The following SLC14A2 variants were observed in gnomAD, a reference collection of about 807,000 sequenced individuals.
The protein encoded by SLC14A2 is urea transporter 2.
SLC14A2 carries 91 observed loss-of-function variants against 104.6 expected under a neutral mutation model. The observed-to-expected ratio is 0.87, with a 90% CI of 0.73 to 1.04. SLC14A2 has a LOEUF of 1.04. SLC14A2 is among the 50% of genes least tolerant of loss of function. The probability of loss-of-function intolerance (pLI) is 0.00; values close to 1 mark genes in which losing one functional copy is unlikely to be tolerated. For synonymous variants in SLC14A2, 476 were observed against 466.4 expected (o/e 1.02, Z -0.27); for missense variants, 1,189 against 1,156.0 (o/e 1.03, Z -0.41).
intron 1 of SLC14A2, among the ~76,000 whole-genome samples, chr18:45,338,287 G>A (rs571251570): frequency 4.6e-5 from 7 of 151,864 alleles, no homozygotes; most frequent in South Asian, 2.1e-4. Flanking sequence ...TGCAAGCTCC[G>A]CCTCCTGGGT....
chr18:45,327,975 T>C (rs1418459822), intron 1 of SLC14A2, among the ~76,000 whole-genome samples: 1 of 152,164 alleles, frequency 6.6e-6, no homozygotes, highest in African/African-American at 2.4e-5. Flanking sequence ...AGATATCATG[T>C]TTGTATGGGG....
chr18:45,201,168 T>C, the SLC14A2 span, among the ~76,000 whole-genome samples: 3 of 152,140 alleles, frequency 2.0e-5, no homozygotes, highest in African/African-American at 7.2e-5. Flanking sequence ...TCTCATCATT[T>C]CCTATCAAGG....
intron 2 of SLC14A2, among the ~76,000 whole-genome samples, chr18:45,525,313 C>T (rs2043579428): frequency 6.6e-6 from 1 of 152,164 alleles, no homozygotes; most frequent in African/African-American, 2.4e-5. Flanking sequence ...ACTTCATGGG[C>T]CCATCCTTGG....
At chr18:45,532,062 C>T (rs531688869) in intron 2 of SLC14A2, among the ~76,000 whole-genome samples, 4 of 152,222 alleles carry the variant, frequency 2.6e-5, no homozygotes, top group African/African-American at 9.6e-5. Flanking sequence ...TGGTCTATAT[C>T]TCTGTTTTGG....
chr18:45,464,512 G>A (rs774034012), intron 1 of SLC14A2, among the ~76,000 whole-genome samples: 16 of 152,174 alleles, frequency 1.1e-4, no homozygotes, highest in Non-Finnish European at 1.9e-4. Context: ...AGATTCAAAA[G>A]CCACTTTTGA....
the SLC14A2 span, among the ~76,000 whole-genome samples, chr18:45,182,309 C>G: frequency 2.0e-5 from 3 of 151,694 alleles, no homozygotes; most frequent in Non-Finnish European, 4.4e-5. Flanking sequence ...AGACACAGTA[C>G]TTTTAAAGTA....
intron 1 of SLC14A2, among the ~76,000 whole-genome samples, chr18:45,460,708 A>G (rs2087029813): frequency 6.6e-6 from 1 of 152,166 alleles, no homozygotes; most frequent in Non-Finnish European, 1.5e-5. Context: ...TCTCCTTGGC[A>G]ACTTTTCATG....
At chr18:45,491,254 G>A in intron 2 of SLC14A2, among the ~76,000 whole-genome samples, 1 of 152,316 alleles carries the variant, frequency 6.6e-6, no homozygotes, top group Admixed American at 6.5e-5. Flanking sequence ...GCACAGCAGT[G>A]AGTTCCCGTG....
chr18:45,641,972 TCCC>T lies in SLC14A2; in HGVS notation c.1126+633_1126+635del, dbSNP rs2045535846. ...TATATAAATATACAAACTCACTTAA[TCCC>T]CCCAAGAATACCACCAGGCATAGCC... On this transcript the variant is annotated intron_variant, in intron 8 of 19. Coordinates refer to ENST00000255226, the MANE Select transcript of SLC14A2 (RefSeq NM_007163.4). 2.0e-5 allele frequency among the ~76,000 whole-genome samples: 3 copies of T among 152,102 alleles called. 1 individual carries two copies. In the South Asian group the frequency reaches 6.2e-4, roughly 32 times the overall value.
intron 1 of SLC14A2, among the ~76,000 whole-genome samples, chr18:45,373,477 C>T (rs1021425564): frequency 6.6e-6 from 1 of 152,184 alleles, no homozygotes; most frequent in Non-Finnish European, 1.5e-5. Context: ...ACAGCCCTCC[C>T]TCATTTCCTC....
chr18:45,276,244 C>T (rs900867823), intron 1 of SLC14A2, among the ~76,000 whole-genome samples: 13 of 152,126 alleles, frequency 8.5e-5, no homozygotes, highest in African/African-American at 3.1e-4. Flanking sequence ...TTTATTTATT[C>T]CTTTAGCAAG....
chr18:45,198,167 CT>C, the SLC14A2 span, among the ~76,000 whole-genome samples: 1 of 152,088 alleles, frequency 6.6e-6, no homozygotes, highest in African/African-American at 2.4e-5. Context: ...AATGATAATC[CT>C]GTCCAAATAT....
At chr18:45,332,567 G>A (rs752928553) in intron 1 of SLC14A2, among the ~76,000 whole-genome samples, 2 of 152,128 alleles carry the variant, frequency 1.3e-5, no homozygotes, top group African/African-American at 2.4e-5. Context: ...GGTCCTGGAT[G>A]GTTCCTGTAG....
upstream of SLC14A2, chr18:45,615,086 C>T (rs1258132331): frequency 6.6e-6 from 1 of 152,216 alleles, no homozygotes; most frequent in Non-Finnish European, 1.5e-5. Flanking sequence ...CGTGGGCCGC[C>T]GCACCCGGCC....
chr18:45,204,701 G>A, the SLC14A2 span, among the ~76,000 whole-genome samples: 1 of 152,010 alleles, frequency 6.6e-6, no homozygotes, highest in Admixed American at 6.6e-5. Flanking sequence ...TGATGTCAAG[G>A]GAAGATTTAT....
At chr18:45,655,052 T>C (rs1306402624) in intron 10 of SLC14A2, among the ~76,000 whole-genome samples, 1 of 152,228 alleles carries the variant, frequency 6.6e-6, no homozygotes, top group Admixed American at 6.5e-5. Flanking sequence ...CCTCAGTTCC[T>C]GTACCCCTTC....
intron 1 of SLC14A2, among the ~76,000 whole-genome samples, chr18:45,367,388 T>C (rs1272776512): frequency 6.6e-6 from 1 of 152,090 alleles, no homozygotes; most frequent in East Asian, 1.9e-4. Flanking sequence ...GTTTTTAGGT[T>C]CTCAGAAACC....
intron 1 of SLC14A2, among the ~76,000 whole-genome samples, chr18:45,414,875 T>A (rs1249606921): frequency 1.3e-5 from 2 of 149,280 alleles, no homozygotes; most frequent in African/African-American, 4.9e-5. Flanking sequence ...CCTTCCCTTC[T>A]CTCCTTTCAG....
the SLC14A2 span, among the ~76,000 whole-genome samples, chr18:45,169,300 T>A: frequency 3.3e-5 from 5 of 152,226 alleles, no homozygotes; most frequent in East Asian, 7.7e-4. Flanking sequence ...TCTGCTGTTG[T>A]ATGGAATTTT....
Sources: allele counts gnomAD v4.1 joint callset (sites outside exome capture counted in the v4.1 genomes callset), GRCh38; gene constraint gnomAD v4.1.1; transcripts MANE v1.5; gene names NCBI Gene and HGNC (gene_info 2026-07-23, HGNC 2026-07-21).